RNF150: variants seen among roughly 807,000 people sequenced by gnomAD.
RNF150 encodes the protein ring finger protein 150.
Under a neutral mutation model 39.3 loss-of-function variants are expected in RNF150, and 24 were observed. The ratio of observed to expected loss-of-function variants is 0.61; its 90% CI spans 0.44 to 0.86. RNF150 has a LOEUF of 0.86. RNF150 is among the 40% of genes least tolerant of loss of function. The probability of loss-of-function intolerance (pLI) is 0.00; values close to 1 mark genes in which losing one functional copy is unlikely to be tolerated. For synonymous variants in RNF150, 255 were observed against 227.3 expected (o/e 1.12, Z -1.10); for missense variants, 502 against 587.8 (o/e 0.85, Z 1.51).
intron 1 of RNF150, among the ~76,000 whole-genome samples, chr4:141,174,981 C>T (rs986813028): frequency 2.6e-5 from 4 of 151,882 alleles, no homozygotes; most frequent in Admixed American, 1.3e-4. Context: ...GATAACTATG[C>T]TCCAAGTCTT....
At chr4:141,187,550 A>T (rs79385254) in intron 1 of RNF150, among the ~76,000 whole-genome samples, 1 of 152,116 alleles carries the variant, frequency 6.6e-6, no homozygotes, top group African/African-American at 2.4e-5. Flanking sequence ...TTGGGTGCAT[A>T]TATATTTAGG....
intron 3 of RNF150, among the ~76,000 whole-genome samples, chr4:140,948,365 T>C (rs540116979): frequency 1.4e-4 from 22 of 152,262 alleles, no homozygotes; most frequent in Admixed American, 1.4e-3. Context: ...TTAGAGACAA[T>C]ACCTGCTTAT....
chr4:141,055,088 A>T (rs2110902147), intron 1 of RNF150, among the ~76,000 whole-genome samples: 1 of 152,338 alleles, frequency 6.6e-6, no homozygotes, highest in Non-Finnish European at 1.5e-5. Context: ...GTTTGGAAGG[A>T]ATAGTGGTAT....
At chr4:141,051,930 G>C (rs943125132) in intron 1 of RNF150, among the ~76,000 whole-genome samples, 1 of 152,126 alleles carries the variant, frequency 6.6e-6, no homozygotes, top group Non-Finnish European at 1.5e-5. Flanking sequence ...AGGCTGGGAA[G>C]AAAAAGAGGT....
rs188140065 is a variant in RNF150, at chr4:141,111,487, G to A, written c.484+20838C>T. 4.8e-3 allele frequency among the ~76,000 whole-genome samples: 725 copies of A among 152,160 alleles called. 3 individuals are homozygous for A. The highest frequency in any genetic ancestry group is 6.8e-3 in the Middle Eastern group (2 of 294). ...ACCATAATGTATAAGCTTGCATTGC[G>A]AGGGCCTTCTTGGCTTACTTGCAAC... On this transcript the variant is annotated intron_variant, in intron 1 of 6. Transcript: ENST00000515673.
intron 1 of RNF150, among the ~76,000 whole-genome samples, chr4:141,053,368 T>TA (rs747358983): frequency 5.3e-5 from 8 of 151,646 alleles, no homozygotes; most frequent in South Asian, 4.2e-4. Flanking sequence ...TACCAAAATT[T>TA]AAAAAAAATG....
rs143003865 is a variant in RNF150, at chr4:141,128,966, T to C, written c.484+3359A>G. 4.6e-5 allele frequency among the ~76,000 whole-genome samples: 7 copies of C among 152,286 alleles called. No individual in the cohort carries two copies. The South Asian group carries it at 8.3e-4, about 18-fold the overall frequency. Reference sequence around the variant, plus strand: ...TGAATGGGCAAAATAAAAAAGATAGTAACAAATGTTGATGAGGCTGTGGAG... The same window carrying C: ...TGAATGGGCAAAATAAAAAAGATAGCAACAAATGTTGATGAGGCTGTGGAG... On this transcript the variant is annotated intron_variant, in intron 1 of 6. Coordinates refer to ENST00000515673, the MANE Select transcript of RNF150 (RefSeq NM_020724.2).
intron 5 of RNF150, among the ~76,000 whole-genome samples, chr4:140,913,545 C>T (rs938756967): frequency 6.6e-6 from 1 of 152,184 alleles, no homozygotes; most frequent in Non-Finnish European, 1.5e-5. Flanking sequence ...AATTCCTAAT[C>T]ACCCTTTAAT....
chr4:141,160,141 G>A (rs1459131841), intron 1 of RNF150, among the ~76,000 whole-genome samples: 1 of 152,082 alleles, frequency 6.6e-6, no homozygotes, highest in Non-Finnish European at 1.5e-5. Context: ...GTCCTCCAGG[G>A]TATTCTGATG....
chr4:141,129,037 A>G (rs1351806149), intron 1 of RNF150, among the ~76,000 whole-genome samples: 1 of 152,212 alleles, frequency 6.6e-6, no homozygotes, highest in Non-Finnish European at 1.5e-5. Context: ...AAAATGATGC[A>G]GTTGTTTTGG....
At chr4:141,048,113 T>C (rs1736647945) in intron 1 of RNF150, among the ~76,000 whole-genome samples, 1 of 152,126 alleles carries the variant, frequency 6.6e-6, no homozygotes, top group African/African-American at 2.4e-5. Context: ...CTAACCGAAA[T>C]TCAAGGGCAC....
rs1390066881 is a variant in RNF150 at position 141,151,540 on chromosome 4, A to C, written c.-6+61254T>G. 5.9e-5 allele frequency among the ~76,000 whole-genome samples: 9 copies of C among 152,136 alleles called. No homozygotes were observed. The South Asian group carries it at 1.7e-3, about 28-fold the overall frequency. On this transcript the variant is annotated intron_variant, in intron 1 of 7. Transcript: ENST00000420921. The stretch of plus-strand genomic sequence containing the variant: ...TAAAATGGTTATATACAATTATTAC[A>C]CTTTATTTGAAATATACTATTTTGG...
chr4:141,007,347 C>T (rs1381842463), intron 1 of RNF150, among the ~76,000 whole-genome samples: 2 of 152,174 alleles, frequency 1.3e-5, no homozygotes, highest in Non-Finnish European at 2.9e-5. Context: ...GCTATGGGAA[C>T]CCTAATTCTG....
At chr4:141,083,673 A>G (rs1738245362) in intron 1 of RNF150, among the ~76,000 whole-genome samples, 1 of 152,188 alleles carries the variant, frequency 6.6e-6, no homozygotes, top group Non-Finnish European at 1.5e-5. Context: ...AAGGCAAAAA[A>G]AAAACCTCTG....
At chr4:141,020,289 T>C (rs1249482413) in intron 1 of RNF150, among the ~76,000 whole-genome samples, 1 of 152,156 alleles carries the variant, frequency 6.6e-6, no homozygotes, top group Non-Finnish European at 1.5e-5. Context: ...AGAGTTTCAT[T>C]TGGGTAATTT....
At chr4:141,186,588 G>C (rs1728016930) in intron 1 of RNF150, among the ~76,000 whole-genome samples, 1 of 148,564 alleles carries the variant, frequency 6.7e-6, no homozygotes. Context: ...TTTTTTTTTA[G>C]TAGAGACAGG....
At chr4:141,146,887 A>G (rs1343707357) in intron 1 of RNF150, among the ~76,000 whole-genome samples, 1 of 152,234 alleles carries the variant, frequency 6.6e-6, no homozygotes. Context: ...GTTGAGAGAT[A>G]GGACTCAAAC....
At chr4:141,027,694 G>C (rs1560696459) in intron 1 of RNF150, among the ~76,000 whole-genome samples, 1 of 152,032 alleles carries the variant, frequency 6.6e-6, no homozygotes, top group Non-Finnish European at 1.5e-5. Flanking sequence ...TTTATACCTA[G>C]AGCAACCTCA....
At chr4:141,106,054 A>G (rs760179818) in intron 1 of RNF150, among the ~76,000 whole-genome samples, 1 of 152,182 alleles carries the variant, frequency 6.6e-6, no homozygotes, top group Non-Finnish European at 1.5e-5. Flanking sequence ...TTACTTTAAC[A>G]ATCAAATAAA....
Sources: allele counts gnomAD v4.1 joint callset (sites outside exome capture counted in the v4.1 genomes callset), GRCh38; gene constraint gnomAD v4.1.1; transcripts MANE v1.5; gene names NCBI Gene and HGNC (gene_info 2026-07-23, HGNC 2026-07-21).